HDAC9: variants seen among roughly 807,000 people sequenced by gnomAD.
The protein encoded by HDAC9 is MEF-2 interacting transcription repressor (MITR) protein.
A neutral mutation model predicts 139.4 loss-of-function variants in HDAC9; 41 were observed. The ratio of observed to expected loss-of-function variants is 0.29; its 90% CI spans 0.23 to 0.38. The LOEUF (loss-of-function observed/expected upper bound fraction) is 0.38. Ranked by LOEUF, HDAC9 falls within the 10% of genes least tolerant of loss-of-function variation. HDAC9 has a pLI of 1.00. For missense variants in HDAC9, 1,147 were observed against 1,297.0 expected (o/e 0.88, Z 1.78); for synonymous variants, 517 against 476.2 (o/e 1.09, Z -1.12).
At chr7:18,217,642 A>T (rs1280201317) in intron 2 of HDAC9, among the ~76,000 whole-genome samples, 1 of 152,198 alleles carries the variant, frequency 6.6e-6, no homozygotes, top group Non-Finnish European at 1.5e-5. Flanking sequence ...TAGCTTGACA[A>T]ATTGAAACAC....
At chr7:18,091,488 CTG>C (rs1232434887) in intron 1 of HDAC9, among the ~76,000 whole-genome samples, 1 of 152,178 alleles carries the variant, frequency 6.6e-6, no homozygotes, top group Non-Finnish European at 1.5e-5. Flanking sequence ...TTTGGATAGT[CTG>C]TGTGTCACTC....
At chr7:18,752,271 G>A (rs868521105) in intron 14 of HDAC9, among the ~76,000 whole-genome samples, 1 of 152,068 alleles carries the variant, frequency 6.6e-6, no homozygotes, top group African/African-American at 2.4e-5. Context: ...AGTTGAAAGC[G>A]CAAGAAGGGT....
chr7:18,526,189 G>A (rs1335686581), intron 2 of HDAC9, among the ~76,000 whole-genome samples: 1 of 152,126 alleles, frequency 6.6e-6, no homozygotes, highest in African/African-American at 2.4e-5. Context: ...ATACTATTTT[G>A]TTGGAATTGT....
chr7:18,569,844 G>A (rs1318661887), intron 2 of HDAC9, among the ~76,000 whole-genome samples: 8 of 151,530 alleles, frequency 5.3e-5, no homozygotes, highest in Admixed American at 5.3e-4. Flanking sequence ...CTTTTATAAT[G>A]CACAGGGAAC....
At chr7:18,557,289 C>A (rs1819096995) in intron 2 of HDAC9, among the ~76,000 whole-genome samples, 1 of 150,626 alleles carries the variant, frequency 6.6e-6, no homozygotes, top group South Asian at 2.1e-4. Flanking sequence ...ATTCTGCAAA[C>A]ACTTTTGCTG....
intron 24 of HDAC9, among the ~76,000 whole-genome samples, chr7:18,968,981 A>AAAAAAAAAAAAAAT (rs1563094257): frequency 6.6e-6 from 1 of 150,434 alleles, no homozygotes; most frequent in Non-Finnish European, 1.5e-5. Flanking sequence ...AAAAAAAAAA[A>AAAAAAAAAAAAAAT]AGAATCACTT....
At chr7:18,946,025 A>G (rs941939539) in intron 23 of HDAC9, among the ~76,000 whole-genome samples, 1 of 117,370 alleles carries the variant, frequency 8.5e-6, no homozygotes, top group Non-Finnish European at 1.7e-5. Context: ...TGATAGTACA[A>G]GACTCCGTCT....
chr7:18,342,507 A>C (rs973386890), intron 1 of HDAC9, among the ~76,000 whole-genome samples: 20 of 151,878 alleles, frequency 1.3e-4, no homozygotes, highest in African/African-American at 4.8e-4. Context: ...TCTTGACAGG[A>C]AATGGAGTTT....
chr7:18,384,166 C>A (rs1179737633), intron 1 of HDAC9, among the ~76,000 whole-genome samples: 1 of 151,952 alleles, frequency 6.6e-6, no homozygotes, highest in East Asian at 1.9e-4. Context: ...AAATAGTTTT[C>A]CAGGTGTGGT....
At chr7:18,471,068 G>C (rs1337499772) in intron 1 of HDAC9, among the ~76,000 whole-genome samples, 1 of 151,548 alleles carries the variant, frequency 6.6e-6, no homozygotes, top group African/African-American at 2.4e-5. Flanking sequence ...TGGAACCTCT[G>C]TTTCAAATAA....
chr7:18,656,367 C>G (rs2129050415), intron 11 of HDAC9, among the ~76,000 whole-genome samples: 1 of 152,230 alleles, frequency 6.6e-6, no homozygotes, highest in East Asian at 1.9e-4. Context: ...AACCATTACA[C>G]TTCATTCTGG....
intron 1 of HDAC9, among the ~76,000 whole-genome samples, chr7:18,359,378 T>C (rs1783593166): frequency 1.3e-5 from 2 of 152,056 alleles, no homozygotes; most frequent in South Asian, 2.1e-4. Flanking sequence ...AATAGTAAAT[T>C]GTGGCAGTGA....
chr7:18,097,692 C>T, intron 1 of HDAC9, among the ~76,000 whole-genome samples: 1 of 152,066 alleles, frequency 6.6e-6, no homozygotes, highest in East Asian at 1.9e-4. Context: ...CTCAGCTTCC[C>T]AAGGAGCTGG....
chr7:18,142,787 G>A (rs1786003239), intron 1 of HDAC9, among the ~76,000 whole-genome samples: 1 of 152,162 alleles, frequency 6.6e-6, no homozygotes, highest in African/African-American at 2.4e-5. Flanking sequence ...CCTCCTAGAG[G>A]ACGTGGCGGG....
chr7:18,666,737 A>G, intron 12 of HDAC9: 4 of 1,275,156 alleles, frequency 3.1e-6, no homozygotes, highest in East Asian at 3.2e-5. Flanking sequence ...TACTAAAATT[A>G]TGATACATAA....
chr7:18,594,061 C>T, intron 6 of HDAC9, 32 bp downstream of exon 6: 1 of 1,609,754 alleles, frequency 6.2e-7, no homozygotes, highest in Non-Finnish European at 8.5e-7. Flanking sequence ...TCTGTTTGCT[C>T]TTCTGTAACA....
intron 2 of HDAC9, among the ~76,000 whole-genome samples, chr7:18,561,250 G>A (rs773436952): frequency 2.0e-5 from 3 of 152,130 alleles, no homozygotes; most frequent in African/African-American, 7.2e-5. Flanking sequence ...TAACCTGAAC[G>A]GCTAGAGTGA....
chr7:18,905,785 T>G (rs548936000), intron 22 of HDAC9, among the ~76,000 whole-genome samples: 2 of 152,298 alleles, frequency 1.3e-5, no homozygotes, highest in East Asian at 3.9e-4. Context: ...AACATATTAC[T>G]TAGCACTCGC....
chr7:18,489,866 A>G, intron 1 of HDAC9, among the ~76,000 whole-genome samples: 1 of 151,996 alleles, frequency 6.6e-6, no homozygotes, highest in South Asian at 2.1e-4. Flanking sequence ...GCAACTGGAA[A>G]ACACTCAGAA....
Sources: gnomAD v4.1 joint callset for allele counts (sites outside exome capture counted in the v4.1 genomes callset) on GRCh38, gnomAD v4.1.1 for gene constraint, MANE v1.5 for transcripts, NCBI Gene and HGNC (gene_info 2026-07-23, HGNC 2026-07-21) for gene names.